PROM1: variants seen among roughly 807,000 people sequenced by gnomAD.
The protein encoded by PROM1 is prominin 1.
In PROM1, 105 loss-of-function variants were observed where a neutral mutation model predicts 116.9. The observed-to-expected ratio is 0.90, with a 90% confidence interval of 0.77 to 1.06. The LOEUF is 1.06. Ranked by LOEUF, PROM1 falls within the 50% of genes least tolerant of loss-of-function variation. The pLI is 0.00. For missense variants in PROM1, 1,122 were observed against 1,045.2 expected, an observed-to-expected ratio of 1.07 and a Z score of -1.01; for synonymous variants, 393 against 387.0, an observed-to-expected ratio of 1.02 and a Z score of -0.18.
At chr4:16,045,858 C>T (rs779768911) in intron 2 of PROM1, among the ~76,000 whole-genome samples, 2 of 152,144 alleles carry the variant, frequency 1.3e-5, no homozygotes, top group Admixed American at 6.5e-5. Context: ...TCACTCTTCC[C>T]GCCTGCTTCT....
chr4:15,972,170 T>C (rs766934288), intron 26 of PROM1, among the ~76,000 whole-genome samples: 8 of 152,140 alleles, frequency 5.3e-5, no homozygotes, highest in Non-Finnish European at 8.8e-5. Context: ...AGACAGTATA[T>C]CCATCCTATC....
At chr4:16,009,187 G>T in intron 11 of PROM1, 79 bp from the exon 12 acceptor site, 1 of 1,261,476 alleles carries the variant, frequency 7.9e-7, no homozygotes, top group Non-Finnish European at 1.1e-6. Context: ...AAACAGAAAA[G>T]CCTGAACCAC....
rs140872693 is a variant in PROM1, at chr4:16,025,218, G to C, written c.604C>G (p.Arg202Gly). 2.1e-4 allele frequency: 345 copies of C among 1,613,824 alleles called. 2 individuals carry two copies. The Middle Eastern group carries it at 3.6e-3, about 17-fold the overall frequency. Residue 202 changes from arginine to glycine, a missense_variant, in exon 6 of 28, where the codon CGA (arginine) becomes GGA (glycine). Physicochemically the swap from Arg to Gly is moderately radical, Grantham distance 125. Transcript: ENST00000447510. ...TCTGGAGTTTCATTCAAGAGAGTTC[G>C]CAAGTCCTTGAAATTGCTATCTGCC... is the stretch of plus-strand genomic sequence containing the variant. ...KLADSNFKDL[R>G]TLLNETPEQI...
At chr4:16,058,650 GAA>G (rs74677849) in intron 2 of PROM1, among the ~76,000 whole-genome samples, 12 of 129,750 alleles carry the variant, frequency 9.2e-5, no homozygotes, top group Non-Finnish European at 3.3e-5. Context: ...CCATCTCCGG[GAA>G]AAAAAAAAAA....
chr4:16,069,252 A>G (rs1040083087), intron 2 of PROM1, among the ~76,000 whole-genome samples: 8 of 152,230 alleles, frequency 5.3e-5, no homozygotes, highest in African/African-American at 1.9e-4. Context: ...ACAAAAAACA[A>G]AAACCAAAAC....
At chr4:15,982,093 C>T (rs1281370022) in intron 23 of PROM1, among the ~76,000 whole-genome samples, 4 of 152,232 alleles carry the variant, frequency 2.6e-5, no homozygotes, top group Admixed American at 6.5e-5. Flanking sequence ...CTCTGGCCAG[C>T]ATCCTACACT....
intron 2 of PROM1, among the ~76,000 whole-genome samples, chr4:16,045,153 T>C (rs1736245667): frequency 6.6e-6 from 1 of 152,130 alleles, no homozygotes; most frequent in Non-Finnish European, 1.5e-5. Flanking sequence ...GTGTTGCCTC[T>C]TCCTCCTTGA....
intron 24 of PROM1, chr4:15,980,152 C>A: frequency 1.7e-6 from 1 of 580,096 alleles, no homozygotes; most frequent in Non-Finnish European, 3.0e-6. Context: ...TGCCAGGTCC[C>A]CGAGAGAGAG....
In PROM1 at chr4:16,024,313, C is replaced by T. The variant is rs1730676255; in HGVS notation, c.676G>A (p.Ala226Thr). ...TACTCACTGTTCAGATCTGTGAACGCCTTGTCCTTGGTAGTGTTGTACTGG... is the reference window on the plus strand; with the variant it reads ...TACTCACTGTTCAGATCTGTGAACGTCTTGTCCTTGGTAGTGTTGTACTGG... ...LAQYNTTKDK[A>T]FTDLNSINSV... Residue 226 changes from alanine (A) to threonine (T), a missense_variant, in exon 7 of 28, where the codon GCG (alanine) becomes ACG (threonine). Physicochemically the swap from Ala to Thr is moderately conservative, Grantham distance 58. Transcript: ENST00000447510. 6.2e-7 allele frequency: 1 copy of T among 1,613,592 alleles called. No individual in the cohort carries two copies. Among genetic ancestry groups the T allele is most frequent in the East Asian group, 2.2e-5 (1 of 44,880 alleles).
At chr4:16,018,231 C>A in intron 9 of PROM1, 92 bp downstream of exon 9, 1 of 1,214,496 alleles carries the variant, frequency 8.2e-7, no homozygotes, top group South Asian at 1.4e-5. Context: ...CCAAGTCAGG[C>A]CACCATGCAC....
intron 23 of PROM1, among the ~76,000 whole-genome samples, chr4:15,980,959 T>TTATTTATTTATTTATC (rs1157121970): frequency 6.6e-6 from 1 of 150,584 alleles, no homozygotes; most frequent in Non-Finnish European, 1.5e-5. Flanking sequence ...ATTTATTTAT[T>TTATTTATTTATTTATC]TATTTATTTA....
intron 2 of PROM1, among the ~76,000 whole-genome samples, chr4:16,041,219 CATT>C (rs2149421414): frequency 6.6e-6 from 1 of 152,200 alleles, no homozygotes; most frequent in East Asian, 1.9e-4. Flanking sequence ...AGCTGATACT[CATT>C]ATATTCTTTG....
intron 11 of PROM1, among the ~76,000 whole-genome samples, chr4:16,010,224 C>G (rs1327613389): frequency 6.6e-6 from 1 of 152,112 alleles, no homozygotes; most frequent in African/African-American, 2.4e-5. Context: ...CACAACAGGT[C>G]CTAAAATCAA....
chr4:16,065,576 C>A (rs759668231), intron 2 of PROM1, among the ~76,000 whole-genome samples: 1 of 152,132 alleles, frequency 6.6e-6, no homozygotes, highest in African/African-American at 2.4e-5. Flanking sequence ...GCAAGGGAAC[C>A]CAGTCAACAC....
intron 25 of PROM1, 22 bp downstream of exon 25, chr4:15,979,859 T>A: frequency 6.9e-7 from 1 of 1,443,068 alleles, no homozygotes; most frequent in Non-Finnish European, 9.5e-7. Context: ...TCTAGGAATA[T>A]AGTTTTTTTA....
Position 15,992,318 on chromosome 4 carries a change from C to T in PROM1, c.1841G>A (p.Gly614Glu), listed in dbSNP as rs1721267348. 6.2e-7 allele frequency: 1 copy of T among 1,613,748 alleles called. No homozygotes were observed. The highest frequency in any genetic ancestry group is 8.5e-7 in the Non-Finnish European group (1 of 1,179,852). Residue 614 changes from glycine to glutamate, a missense_variant, in exon 17 of 28, where the codon GGA becomes GAA. Coordinates refer to ENST00000447510, the MANE Select transcript of PROM1 (RefSeq NM_006017.3). ...AGCAAAATCCTGAAGGTTTTTTCTT[C>T]CTGCTGCACCCAACAGAAAGATATT... ...NLNIFLLGAA[G>E]RKNLQDFAAC...
At chr4:15,970,168 C>CTTTTTT (rs200730261) in intron 27 of PROM1, among the ~76,000 whole-genome samples, 1 of 139,432 alleles carries the variant, frequency 7.2e-6, no homozygotes, top group Non-Finnish European at 1.6e-5. Flanking sequence ...CTTTTCTTTT[C>CTTTTTT]TTTTTTTTTT....
chr4:15,973,063 T>G (rs919203474), intron 26 of PROM1, among the ~76,000 whole-genome samples: 48 of 152,318 alleles, frequency 3.2e-4, no homozygotes, highest in Admixed American at 3.3e-4. Flanking sequence ...AGCCAGAACC[T>G]ACACAGGTGA....
intron 2 of PROM1, among the ~76,000 whole-genome samples, chr4:16,074,790 CCTCT>C (rs1044109305): frequency 6.6e-6 from 1 of 152,130 alleles, no homozygotes; most frequent in African/African-American, 2.4e-5. Context: ...TCTCTTCCTC[CCTCT>C]CTCTCACACA....
Sources: allele counts gnomAD v4.1 joint callset (sites outside exome capture counted in the v4.1 genomes callset), GRCh38; gene constraint gnomAD v4.1.1; transcripts MANE v1.5; gene names NCBI Gene and HGNC (gene_info 2026-07-23, HGNC 2026-07-21).